Variants in AVPI1 observed in about 807,000 individuals in gnomAD.
AVPI1 encodes the protein arginine vasopressin-induced protein 1.
In AVPI1, 9 loss-of-function variants were observed where a neutral mutation model predicts 11.9. The observed-to-expected ratio is 0.76, with a 90% confidence interval of 0.46 to 1.32. AVPI1 has a LOEUF of 1.32. Among genes scored for constraint, AVPI1 ranks in the 40% most tolerant of loss-of-function variants. The probability of loss-of-function intolerance (pLI) is 0.00; values close to 1 mark genes in which losing one functional copy is unlikely to be tolerated. For missense variants in AVPI1, 207 were observed against 195.8 expected (o/e 1.06, Z -0.34); for synonymous variants, 68 against 78.1 (o/e 0.87, Z 0.68).
At chr10:97,678,944 TG>T (rs1564779866) in intron 2 of AVPI1, among the ~76,000 whole-genome samples, 2 of 50,330 alleles carry the variant, frequency 4.0e-5, no homozygotes, top group South Asian at 8.8e-4. Flanking sequence ...TGTGTGTGTG[TG>T]TGTGTGTGTG....
intron 2 of AVPI1, among the ~76,000 whole-genome samples, chr10:97,679,141 C>CTTTT: frequency 8.1e-6 from 1 of 124,180 alleles, no homozygotes; most frequent in African/African-American, 3.1e-5. Context: ...TAACAGCAAT[C>CTTTT]TTTTTTTTTT....
chr10:97,685,322 A>C (rs973027070), intron 1 of AVPI1, among the ~76,000 whole-genome samples: 4 of 152,238 alleles, frequency 2.6e-5, no homozygotes, highest in African/African-American at 9.6e-5. Flanking sequence ...ATATATTTAA[A>C]AAGTGACTCA....
Position 97,677,956 on chromosome 10 carries a change from A to T in AVPI1, c.357T>A (p.Tyr119Ter), listed in dbSNP as rs1259708642. ...TGGCACTTTTCTTCCTAGAGTGCAGATACTGCTCACTGGAGGCTGTCTCTG... is the reference window on the plus strand; with the variant it reads ...TGGCACTTTTCTTCCTAGAGTGCAGTTACTGCTCACTGGAGGCTGTCTCTG... ...SATETASSEQ[Y>*]LHSRKKSARI... is the part of the protein sequence containing the mutation. The change falls in exon 3 of 3, where the codon TAT becomes TAA. Residue 119 changes from tyrosine to a stop codon, truncating the protein, a stop_gained. Transcript: ENST00000370626. LOFTEE classifies it high-confidence loss of function. 1 of 1,614,108 alleles carries T rather than the reference A, an allele frequency of 6.2e-7. No individual in the cohort carries two copies. The highest frequency in any genetic ancestry group is 1.1e-5 in the South Asian group (1 of 91,078).
chr10:97,679,521 A>G (rs748041964), intron 2 of AVPI1, 98 bp downstream of exon 2: 21 of 1,406,288 alleles, frequency 1.5e-5, no homozygotes, highest in Admixed American at 2.6e-5. Context: ...CAGGCACTTT[A>G]CAGTGAGGCC....
intron 1 of AVPI1, among the ~76,000 whole-genome samples, chr10:97,684,337 C>A (rs1251726989): frequency 6.6e-6 from 1 of 152,052 alleles, no homozygotes; most frequent in African/African-American, 2.4e-5. Flanking sequence ...ACAACCTCTC[C>A]CAGGATGGCA....
chr10:97,679,104 T>A (rs1299146156), intron 2 of AVPI1, among the ~76,000 whole-genome samples: 1 of 144,838 alleles, frequency 6.9e-6, no homozygotes, highest in African/African-American at 2.5e-5. Context: ...CCATGGGAGT[T>A]CACAGGGTTG....
intron 1 of AVPI1, among the ~76,000 whole-genome samples, chr10:97,682,312 C>T (rs576723718): frequency 6.6e-6 from 1 of 152,334 alleles, no homozygotes; most frequent in South Asian, 2.1e-4. Context: ...GCAGGTCCTG[C>T]TGCTTCTCCA....
rs117563246 is a variant in AVPI1, at chr10:97,684,074, C to G, written c.-11+2692G>C. 7.9e-3 allele frequency among the ~76,000 whole-genome samples: 1,196 copies of G among 152,286 alleles called. 15 individuals carry two copies. The highest frequency in any genetic ancestry group is 0.024 in the Middle Eastern group (7 of 294). On this transcript the variant is annotated intron_variant, in intron 1 of 2. Transcript: ENST00000370626. ...TTCCCCAGCCAGTAGCTCCCTTTCT[C>G]CTCCCTACTCTATGTTGTTTTGCTG...
chr10:97,677,901 G>A lies in AVPI1; in HGVS notation c.412C>T (p.Pro138Ser), dbSNP rs2041674135. ...CTGATCTGGTGGAGGTAGCTTGTGG[G>A]GCCTGACTTCCTCCAGTTCCGGCGG... is the stretch of plus-strand genomic sequence containing the variant. ...RIRRNWRKSG[P>S]TSYLHQIRH Residue 138 changes from proline (P) to serine (S), a missense_variant, in exon 3 of 3, where the codon CCC becomes TCC. Physicochemically the swap from Pro to Ser is moderately conservative, Grantham distance 74 (BLOSUM62 -1). Transcript: ENST00000370626. The A allele has an allele frequency of 6.2e-7, 1 of 1,614,126 alleles. No individual in the cohort carries two copies. The highest frequency in any genetic ancestry group is 8.5e-7 in the Non-Finnish European group (1 of 1,180,032).
Position 97,677,796 on chromosome 10 carries a change from GTCTC to G in AVPI1, c.*69_*72del. ...TACCCCTTTGGGCTGCTTGCCTAAA[GTCTC>G]TCTTCCTTCACCTCCCCAGGCCTTT... On this transcript the variant is annotated 3_prime_UTR_variant, in exon 3 of 3. Transcript: ENST00000370626. 1 of 1,575,902 alleles carries G rather than the reference GTCTC, an allele frequency of 6.3e-7. No homozygotes were observed. Among genetic ancestry groups the G allele is most frequent in the Non-Finnish European group, 8.6e-7 (1 of 1,157,298 alleles).
At chr10:97,678,926 TGTGTGTGTGTGTGTG>T (rs2041684073) in intron 2 of AVPI1, among the ~76,000 whole-genome samples, 1 of 18,734 alleles carries the variant, frequency 5.3e-5, no homozygotes, top group East Asian at 1.3e-3. Flanking sequence ...TGTGTGTGTG[TGTGTGTGTGTGTGTG>T]TGTGTGTGTG....
In AVPI1 at chr10:97,679,957, C is replaced by T. The variant is rs1171646979; in HGVS notation, c.-10-42G>A. The T allele has an allele frequency of 6.8e-6, 10 of 1,472,150 alleles. No individual in the cohort carries two copies. The Middle Eastern group carries it at 5.3e-4, about 78-fold the overall frequency. The allele number at this position is 1,472,150 out of a possible 1,614,324, so 91.2% of individuals were successfully genotyped here. On this transcript the variant is annotated intron_variant, in intron 1 of 2. Transcript: ENST00000370626. Reference sequence around the variant, plus strand: ...TGGAGACATCATCAACTCAGCTGGTCCTTCCCAGACCTGGGGGTCCTGGCT... The same window carrying T: ...TGGAGACATCATCAACTCAGCTGGTTCTTCCCAGACCTGGGGGTCCTGGCT...
At chr10:97,680,881 G>A (rs990365322) in intron 1 of AVPI1, among the ~76,000 whole-genome samples, 5 of 152,140 alleles carry the variant, frequency 3.3e-5, no homozygotes, top group Non-Finnish European at 5.9e-5. Context: ...TACTGTCAAG[G>A]GCAGAGACTG....
In AVPI1 at chr10:97,678,872, GGGGGGA is replaced by G. The variant is rs1225278986; in HGVS notation, c.287+741_287+746del. Among the ~76,000 whole-genome samples the G allele has an allele frequency of 2.9e-3, 397 of 135,074 alleles. 5 individuals are homozygous for G. The highest frequency in any genetic ancestry group is 9.5e-3 in the African/African-American group (336 of 35,476). The allele number at this position is 135,074 out of a possible 152,430, so 88.6% of individuals were successfully genotyped here. On this transcript the variant is annotated intron_variant, in intron 2 of 2. Coordinates refer to ENST00000370626, the MANE Select transcript of AVPI1 (RefSeq NM_021732.3). ...CTGGCTAATTTCTCTTTTTTTTGGC[GGGGGGA>G]GGGTGTGTGTGTGTGTGTGTGTGTG...
intron 2 of AVPI1, among the ~76,000 whole-genome samples, chr10:97,678,818 G>A (rs2041680258): frequency 6.6e-6 from 1 of 151,322 alleles, no homozygotes; most frequent in Non-Finnish European, 1.5e-5. Context: ...CCCTGGAGTA[G>A]CTGGGACCGC....
At position 97,679,846 on chromosome 10, in the gene AVPI1, G is replaced by A. The variant is rs561138497; in HGVS notation, c.60C>T (p.Ala20=). 1.2e-6 allele frequency: 2 copies of A among 1,604,996 alleles called. No individual in the cohort carries two copies. The highest frequency in any genetic ancestry group is 4.5e-5 in the East Asian group (2 of 44,562). The part of the protein sequence containing the change: ...EPPPWQAPIE[A]RGRKQASANI... ...TGGCCGAGGCCTGCTTGCGGCCCCG[G>A]GCCTCAATCGGGGCCTGCCAAGGGG... The change falls in exon 2 of 3, where the codon GCC becomes GCT. Residue 20 remains alanine, a synonymous_variant. Transcript: ENST00000370626.
At position 97,686,895 on chromosome 10, in the gene AVPI1, C is replaced by A. The variant is rs1349170355; in HGVS notation, c.-140G>T. The A allele has an allele frequency of 4.0e-5, 6 of 148,220 alleles. No individual in the cohort carries two copies. Among genetic ancestry groups the A allele is most frequent in the Non-Finnish European group, 9.0e-5 (6 of 66,988 alleles). The allele number at this position is 148,220 out of a possible 1,614,324, so 9.2% of individuals were successfully genotyped here. ...TGCGAAGGTGCTTACAAGGGCCAGT[C>A]GGTGATCACGGGCAGCACAAGAGCA... On this transcript the variant is annotated 5_prime_UTR_variant, in exon 1 of 3. Coordinates refer to ENST00000370626, the MANE Select transcript of AVPI1 (RefSeq NM_021732.3).
chr10:97,678,734 C>T (rs1352376733), intron 2 of AVPI1, among the ~76,000 whole-genome samples: 1 of 151,640 alleles, frequency 6.6e-6, no homozygotes. Context: ...GTCACTCAGG[C>T]TGGAGTGCAG....
chr10:97,679,412 G>T (rs982167300), intron 2 of AVPI1, among the ~76,000 whole-genome samples: 11 of 152,048 alleles, frequency 7.2e-5, no homozygotes, highest in Non-Finnish European at 1.5e-4. Flanking sequence ...CAAAGTGCTG[G>T]GATTACAGGG....
Sources: allele counts gnomAD v4.1 joint callset (sites outside exome capture counted in the v4.1 genomes callset), GRCh38; gene constraint gnomAD v4.1.1; transcripts MANE v1.5; gene names NCBI Gene and HGNC (gene_info 2026-07-23, HGNC 2026-07-21).